KITLG: variants seen among roughly 807,000 people sequenced by gnomAD.
KITLG encodes c-Kit ligand.
Under a neutral mutation model 34.1 loss-of-function variants are expected in KITLG, and 13 were observed. The ratio of observed to expected loss-of-function variants is 0.38; its 90% CI spans 0.25 to 0.61. The LOEUF is 0.61. KITLG is among the 20% of genes least tolerant of loss of function. KITLG has a pLI of 0.60. For missense variants in KITLG, 292 were observed against 318.9 expected (o/e 0.92, Z 0.64); for synonymous variants, 110 against 104.0 (o/e 1.06, Z -0.35).
Position 88,515,590 on chromosome 12 carries a change from A to T in KITLG, c.548T>A (p.Phe183Tyr), listed in dbSNP as rs1270258861. The stretch of plus-strand genomic sequence containing the variant: ...GCTGGCTGCAACAGGGGGTAACATA[A>T]ATGGTTTTGTGACACTGACTCTGGA... ...KDSRVSVTKP[F>Y]MLPPVAASSL... Residue 183 changes from phenylalanine (F) to tyrosine (Y), a missense_variant, in exon 6 of 10, where the codon TTT becomes TAT. By Grantham distance (22) the Phe-to-Tyr change is conservative (BLOSUM62 3). Coordinates refer to ENST00000644744, the MANE Select transcript of KITLG (RefSeq NM_000899.5). 1 of 1,610,846 alleles carries T rather than the reference A, an allele frequency of 6.2e-7. No individual in the cohort carries two copies. The highest frequency in any genetic ancestry group is 1.7e-5 in the Admixed American group (1 of 59,870).
chr12:88,545,263 G>A (rs1453561098), intron 2 of KITLG, among the ~76,000 whole-genome samples: 2 of 152,200 alleles, frequency 1.3e-5, no homozygotes, highest in East Asian at 1.9e-4. Flanking sequence ...ACCTCTCTAT[G>A]TTCCCTGAAG....
rs374783895 is a variant in KITLG, at chr12:88,503,019, T to C, written c.*37+2140A>G. On this transcript the variant is annotated intron_variant, in intron 9 of 9. Transcript: ENST00000644744. ...AAATATTGCTTCGGAAAATAAAAAG[T>C]GTCAAGCAAACGGTCTATCCATTTA... Among the ~76,000 whole-genome samples, 23 of 152,172 alleles carry C rather than the reference T, an allele frequency of 1.5e-4. No homozygotes were observed. The East Asian group carries it at 3.7e-3, about 24-fold the overall frequency.
At chr12:88,516,525 G>C in intron 4 of KITLG, 35 bp from the exon 5 acceptor site, 1 of 1,435,660 alleles carries the variant, frequency 7.0e-7, no homozygotes, top group South Asian at 1.2e-5. Flanking sequence ...TTTTCAAATA[G>C]TCTTCAGACT....
chr12:88,577,658 C>A (rs1007377977), intron 1 of KITLG, among the ~76,000 whole-genome samples: 9 of 152,054 alleles, frequency 5.9e-5, no homozygotes, highest in African/African-American at 1.2e-4. Flanking sequence ...CTGAAAAATT[C>A]AAAAGACATT....
At chr12:88,515,125 T>C (rs913223851) in intron 6 of KITLG, among the ~76,000 whole-genome samples, 10 of 151,826 alleles carry the variant, frequency 6.6e-5, no homozygotes, top group Non-Finnish European at 1.5e-4. Flanking sequence ...AACCAGCATT[T>C]ATACAATTAA....
chr12:88,544,289 T>C (rs1051686422), intron 2 of KITLG, among the ~76,000 whole-genome samples: 3 of 152,134 alleles, frequency 2.0e-5, no homozygotes, highest in African/African-American at 7.2e-5. Context: ...CCCGCTGACA[T>C]ATTATCTCTA....
In KITLG at chr12:88,505,249, A is replaced by C; in HGVS notation, c.783-14T>G. ...TCTTGCAACATACTGAAAAACAATA[A>C]GAAAAAATGCTTATTTGCTCTTGGT... On this transcript the variant is annotated splice_polypyrimidine_tract_variant and intron_variant, in intron 8 of 9. Coordinates refer to ENST00000644744, the MANE Select transcript of KITLG (RefSeq NM_000899.5). 6.2e-7 allele frequency: 1 copy of C among 1,602,864 alleles called. No individual in the cohort carries two copies. The highest frequency in any genetic ancestry group is 8.5e-7 in the Non-Finnish European group (1 of 1,169,992).
At chr12:88,557,978 G>T (rs1014686953) in intron 1 of KITLG, among the ~76,000 whole-genome samples, 12 of 152,170 alleles carry the variant, frequency 7.9e-5, no homozygotes, top group Admixed American at 3.9e-4. Flanking sequence ...TACGTGACTT[G>T]CTTCTGAAAG....
chr12:88,551,266 G>A (rs1317371857), intron 1 of KITLG, among the ~76,000 whole-genome samples: 1 of 152,138 alleles, frequency 6.6e-6, no homozygotes, highest in Non-Finnish European at 1.5e-5. Context: ...TAGAAATATT[G>A]AGATTTTTGC....
At chr12:88,580,086 C>T (rs1871964284) in intron 1 of KITLG, 178 bp downstream of exon 1, 1 of 675,208 alleles carries the variant, frequency 1.5e-6, no homozygotes, top group African/African-American at 1.8e-5. Flanking sequence ...CTCCCTGGCT[C>T]ACCCGGCTCG....
At chr12:88,513,553 C>T (rs1315682075) in intron 6 of KITLG, among the ~76,000 whole-genome samples, 2 of 151,650 alleles carry the variant, frequency 1.3e-5, no homozygotes, top group Non-Finnish European at 3.0e-5. Flanking sequence ...ATACAGACAA[C>T]AGACTGAAAA....
intron 9 of KITLG, among the ~76,000 whole-genome samples, chr12:88,501,605 C>T (rs1364043871): frequency 6.6e-6 from 1 of 152,070 alleles, no homozygotes; most frequent in Admixed American, 6.6e-5. Flanking sequence ...GGGTTTACTT[C>T]ATATAATGGG....
intron 1 of KITLG, among the ~76,000 whole-genome samples, chr12:88,548,948 G>A (rs1267553753): frequency 1.3e-5 from 2 of 152,168 alleles, no homozygotes; most frequent in African/African-American, 4.8e-5. Context: ...GGTGGAAACA[G>A]CTTGAAATTT....
chr12:88,553,435 A>C (rs559030437), intron 1 of KITLG, among the ~76,000 whole-genome samples: 34 of 151,770 alleles, frequency 2.2e-4, no homozygotes, highest in Admixed American at 5.9e-4. Context: ...TTGGGTAATC[A>C]TCTATTTTTT....
chr12:88,528,658 T>C (rs1385888777), intron 3 of KITLG, among the ~76,000 whole-genome samples: 4 of 152,152 alleles, frequency 2.6e-5, no homozygotes, highest in Non-Finnish European at 5.9e-5. Context: ...TAAGAGTAAA[T>C]GGCCATGTAT....
intron 1 of KITLG, among the ~76,000 whole-genome samples, chr12:88,551,124 G>T (rs1870900983): frequency 6.6e-6 from 1 of 152,040 alleles, no homozygotes; most frequent in Non-Finnish European, 1.5e-5. Flanking sequence ...TTATTTTAAA[G>T]CCATTATAAA....
At chr12:88,502,750 G>A (rs1191173471) in intron 9 of KITLG, among the ~76,000 whole-genome samples, 4 of 152,134 alleles carry the variant, frequency 2.6e-5, no homozygotes, top group African/African-American at 9.7e-5. Flanking sequence ...AAAGACCTGT[G>A]TGCCAAAACA....
At chr12:88,569,556 A>T (rs1264180686) in intron 1 of KITLG, among the ~76,000 whole-genome samples, 2 of 152,172 alleles carry the variant, frequency 1.3e-5, no homozygotes, top group Admixed American at 6.5e-5. Flanking sequence ...CCAGCACTGG[A>T]CTAAGTGCTT....
intron 2 of KITLG, among the ~76,000 whole-genome samples, chr12:88,534,239 C>A (rs893728183): frequency 1.3e-5 from 2 of 152,110 alleles, no homozygotes; most frequent in Non-Finnish European, 2.9e-5. Context: ...GAAGAGCCTC[C>A]CTTGTCTCTT....
Sources: allele counts gnomAD v4.1 joint callset (sites outside exome capture counted in the v4.1 genomes callset), GRCh38; gene constraint gnomAD v4.1.1; transcripts MANE v1.5; gene names NCBI Gene and HGNC (gene_info 2026-07-23, HGNC 2026-07-21).